CD200: variants seen among roughly 807,000 people sequenced by gnomAD.
CD200 encodes OX-2 membrane glycoprotein.
In CD200, 15 loss-of-function variants were observed where a neutral mutation model predicts 30.9. That is an observed-to-expected ratio of 0.49 (90% CI 0.32 to 0.75). The LOEUF (loss-of-function observed/expected upper bound fraction) is 0.75. Ranked by LOEUF, CD200 falls within the 30% of genes least tolerant of loss-of-function variation. CD200 has a pLI of 0.03. For missense variants in CD200, 262 were observed against 324.2 expected, an observed-to-expected ratio of 0.81 and a Z score of 1.47; for synonymous variants, 134 against 126.2, an observed-to-expected ratio of 1.06 and a Z score of -0.41.
Position 112,340,996 on chromosome 3 carries a change from A to T in CD200, c.94+13A>T. 1.3e-6 allele frequency: 2 copies of T among 1,571,818 alleles called. No individual in the cohort carries two copies. The highest frequency in any genetic ancestry group is 1.8e-6 in the Non-Finnish European group (2 of 1,142,236). On this transcript the variant is annotated intron_variant, in intron 2 of 5. Transcript: ENST00000315711. ...TGCACAGCACAAGGTAAAGAAACTC[A>T]ATTCCCCTGCTTGGAGCCCAGCAAA...
chr3:112,344,075 A>G (rs1393762779), intron 2 of CD200, among the ~76,000 whole-genome samples: 1 of 152,090 alleles, frequency 6.6e-6, no homozygotes, highest in South Asian at 2.1e-4. Flanking sequence ...CTCATTTTCT[A>G]TATCTCTAAT....
intron 5 of CD200, among the ~76,000 whole-genome samples, chr3:112,360,533 A>C (rs889534413): frequency 3.3e-5 from 5 of 152,134 alleles, no homozygotes; most frequent in Admixed American, 1.3e-4. Context: ...GAATTATGTT[A>C]TTTTATGTCA....
At chr3:112,351,585 A>G (rs908663275) in intron 5 of CD200, among the ~76,000 whole-genome samples, 1 of 152,220 alleles carries the variant, frequency 6.6e-6, no homozygotes, top group African/African-American at 2.4e-5. Context: ...TATGAAATAA[A>G]TACCTGAACC....
rs1438733017 is a variant in CD200, at chr3:112,361,789, C to A, written c.*239C>A. The A allele has an allele frequency of 1.7e-6, 1 of 583,960 alleles. No individual in the cohort carries two copies. Among genetic ancestry groups the A allele is most frequent in the South Asian group, 2.2e-5 (1 of 46,316 alleles). The allele number at this position is 583,960 out of a possible 1,614,324, so 36.2% of individuals were successfully genotyped here. ...TAGGACTTGATTTTGTAAAGCAATG[C>A]CATGTTATGTGGTTGAAAGGGCACT... is the stretch of plus-strand genomic sequence containing the variant. On this transcript the variant is annotated 3_prime_UTR_variant, in exon 6 of 6. Transcript: ENST00000315711.
chr3:112,347,458 T>G, intron 3 of CD200, 100 bp from the exon 4 acceptor site: 1 of 1,198,236 alleles, frequency 8.3e-7, no homozygotes, highest in Non-Finnish European at 1.2e-6. Flanking sequence ...TAGCCTCCAT[T>G]ATCTTTCTAT....
intron 5 of CD200, among the ~76,000 whole-genome samples, chr3:112,355,620 C>G (rs1244141259): frequency 6.6e-6 from 1 of 152,114 alleles, no homozygotes; most frequent in Admixed American, 6.5e-5. Context: ...ACGTATTAAA[C>G]CGGGAATTTC....
chr3:112,333,778 G>A (rs968906231), intron 1 of CD200: 9 of 985,304 alleles, frequency 9.1e-6, no homozygotes, highest in Non-Finnish European at 1.1e-5. Flanking sequence ...AAGCCATGAA[G>A]GATCAGTTAA....
At chr3:112,346,719 T>C (rs560374673) in intron 3 of CD200, among the ~76,000 whole-genome samples, 66 of 152,336 alleles carry the variant, frequency 4.3e-4, no homozygotes, top group African/African-American at 1.5e-3. Flanking sequence ...CAGTTAGCAC[T>C]GCCATTTAAT....
chr3:112,335,731 T>A (rs2081100189), intron 1 of CD200: 1 of 554,630 alleles, frequency 1.8e-6, no homozygotes. Context: ...GAGATAGTGA[T>A]GGAGACTCCT....
At chr3:112,335,460 C>G (rs1308910194) in intron 1 of CD200, among the ~76,000 whole-genome samples, 1 of 152,154 alleles carries the variant, frequency 6.6e-6, no homozygotes, top group African/African-American at 2.4e-5. Flanking sequence ...CTAATGGCAC[C>G]TTCAGATGAT....
chr3:112,339,549 A>G (rs1481594145), intron 1 of CD200, among the ~76,000 whole-genome samples: 2 of 152,186 alleles, frequency 1.3e-5, no homozygotes, highest in Non-Finnish European at 2.9e-5. Context: ...AGTTCAGGAG[A>G]GTAGAAAATA....
chr3:112,344,590 C>T (rs958957884), intron 2 of CD200, among the ~76,000 whole-genome samples: 2 of 152,170 alleles, frequency 1.3e-5, no homozygotes, highest in African/African-American at 4.8e-5. Flanking sequence ...TATCCTTTGG[C>T]CTTTTCCTGC....
chr3:112,353,158 A>C (rs1183106064), intron 5 of CD200, among the ~76,000 whole-genome samples: 1 of 152,218 alleles, frequency 6.6e-6, no homozygotes, highest in East Asian at 1.9e-4. Context: ...CAATGTAGTT[A>C]AATTTGGAGT....
Position 112,347,603 on chromosome 3 carries a change from T to A in CD200, c.467T>A (p.Leu156Gln). Residue 156 changes from leucine to glutamine, a missense_variant, in exon 4 of 6, where the codon CTA becomes CAA. By Grantham distance (113) the Leu-to-Gln change is moderately radical (BLOSUM62 -2). Transcript: ENST00000315711. The part of the protein sequence containing the change: ...SLHYKFSEDH[L>Q]NITCSATARP... ...CACTACAAATTCTCTGAAGACCACC[T>A]AAATATCACTTGCTCTGCCACTGCC... 6.2e-7 allele frequency: 1 copy of A among 1,613,922 alleles called. No individual in the cohort carries two copies. Among genetic ancestry groups the A allele is most frequent in the Non-Finnish European group, 8.5e-7 (1 of 1,179,838 alleles).
chr3:112,362,661 C>G lies in CD200; in HGVS notation c.*1111C>G, dbSNP rs1277652598. 6.6e-6 allele frequency: 1 copy of G among 152,386 alleles called. No individual in the cohort carries two copies. Among genetic ancestry groups the G allele is most frequent in the East Asian group, 1.9e-4 (1 of 5,188 alleles). The allele number at this position is 152,386 out of a possible 1,614,324, so 9.4% of individuals were successfully genotyped here. ...TATCTTCTGCTTTGTCTGTGTCTATCCAGTGGCCTAGGAATTAAAGTGTAA... is the reference window on the plus strand; with the variant it reads ...TATCTTCTGCTTTGTCTGTGTCTATGCAGTGGCCTAGGAATTAAAGTGTAA... On this transcript the variant is annotated 3_prime_UTR_variant, in exon 6 of 6. Coordinates refer to ENST00000315711, the MANE Select transcript of CD200 (RefSeq NM_005944.7).
At chr3:112,333,532 G>A (rs2081045503) in intron 1 of CD200, 7 of 985,442 alleles carry the variant, frequency 7.1e-6, no homozygotes, top group Non-Finnish European at 8.4e-6. Context: ...TGACGAAGCT[G>A]GCGCATCCTC....
At chr3:112,350,543 A>G (rs930163234) in intron 5 of CD200, among the ~76,000 whole-genome samples, 2 of 152,228 alleles carry the variant, frequency 1.3e-5, no homozygotes, top group Non-Finnish European at 2.9e-5. Flanking sequence ...AAGCAAGAGC[A>G]GTGAGCTAGA....
intron 5 of CD200, among the ~76,000 whole-genome samples, chr3:112,360,169 A>C (rs1462516540): frequency 6.6e-6 from 1 of 152,092 alleles, no homozygotes; most frequent in Non-Finnish European, 1.5e-5. Flanking sequence ...CTCTACTGAA[A>C]ATATGAAAAT....
At chr3:112,333,367 G>T in intron 1 of CD200, 143 bp downstream of exon 1, 2 of 1,415,888 alleles carry the variant, frequency 1.4e-6, no homozygotes, top group Non-Finnish European at 1.8e-6. Flanking sequence ...GGTGTTGATG[G>T]CAGCGCTTTT....
Sources: gnomAD v4.1 joint callset for allele counts (sites outside exome capture counted in the v4.1 genomes callset) on GRCh38, gnomAD v4.1.1 for gene constraint, MANE v1.5 for transcripts, NCBI Gene and HGNC (gene_info 2026-07-23, HGNC 2026-07-21) for gene names.